The following BCAR1 variants were observed in gnomAD, a reference collection of about 807,000 sequenced individuals.
The protein encoded by BCAR1 is breast cancer anti-estrogen resistance protein 1.
BCAR1 carries 30 observed loss-of-function variants against 67.6 expected under a neutral mutation model. The ratio of observed to expected loss-of-function variants is 0.44; its 90% CI spans 0.33 to 0.60. The LOEUF is 0.60. Among genes scored for constraint, BCAR1 ranks in the 20% least tolerant of loss-of-function variants. The pLI is 0.02. For synonymous variants in BCAR1, 626 were observed against 556.7 expected, an observed-to-expected ratio of 1.12 and a Z score of -1.75; for missense variants, 1,313 against 1,222.3, an observed-to-expected ratio of 1.07 and a Z score of -1.11.
intron 6 of BCAR1, among the ~76,000 whole-genome samples, chr16:75,232,688 C>A (rs1454225658): frequency 1.3e-5 from 2 of 152,168 alleles, no homozygotes; most frequent in Non-Finnish European, 2.9e-5. Flanking sequence ...AGCCCCCACC[C>A]CCTGCCACCC....
chr16:75,235,969 T>TG lies in BCAR1; in HGVS notation c.929dup (p.Ser311IlefsTer14). 1 of 1,574,344 alleles carries TG rather than the reference T, an allele frequency of 6.4e-7. No homozygotes were observed. Among genetic ancestry groups the TG allele is most frequent in the African/African-American group, 1.3e-5 (1 of 74,414 alleles). ...CATCGGGCACATCCTTGCTCACCGA[T>TG]GGAGGAACGTCGTAGACCTGGGGGA... On this transcript the variant is annotated frameshift_variant, in exon 5 of 7. Transcript: ENST00000162330. LOFTEE classifies it high-confidence loss of function.
intron 1 of BCAR1, among the ~76,000 whole-genome samples, chr16:75,245,039 G>T (rs952799646): frequency 6.6e-6 from 1 of 152,242 alleles, no homozygotes; most frequent in Admixed American, 6.5e-5. Context: ...CTATGTCCCA[G>T]GCTCTGAGGC....
intron 2 of BCAR1, among the ~76,000 whole-genome samples, chr16:75,239,617 T>C (rs1045812046): frequency 6.6e-6 from 1 of 152,158 alleles, no homozygotes; most frequent in African/African-American, 2.4e-5. Context: ...CTCCCGGCTC[T>C]GGCACCCCCA....
At position 75,235,249 on chromosome 16, in the gene BCAR1, G is replaced by A. The variant is rs201978090; in HGVS notation, c.1650C>T (p.Asp550=). 156 of 1,606,744 alleles carry A rather than the reference G, an allele frequency of 9.7e-5. No individual in the cohort carries two copies. Among genetic ancestry groups the A allele is most frequent in the Middle Eastern group, 1.7e-4 (1 of 6,050 alleles). The change falls in exon 5 of 7, where the codon GAC becomes GAT. Residue 550 remains aspartate, a synonymous_variant. Coordinates refer to ENST00000162330, the MANE Select transcript of BCAR1 (RefSeq NM_014567.5). ...KLSRQLQKME[D]VHQTLVAHGQ... ...CATGTGCCACCAGCGTCTGGTGCAC[G>A]TCCTCCATCTTCTGCAGCTGCCGGC...
At chr16:75,239,462 C>T (rs1183995768) in intron 2 of BCAR1, among the ~76,000 whole-genome samples, 1 of 152,208 alleles carries the variant, frequency 6.6e-6, no homozygotes, top group Admixed American at 6.5e-5. Context: ...GACAAGCGAA[C>T]TCAGGAATAC....
At chr16:75,248,047 CGATTACCTCCATCTTACTA>C in intron 1 of BCAR1, 1 of 1,499,430 alleles carries the variant, frequency 6.7e-7, no homozygotes, top group Non-Finnish European at 9.2e-7. Context: ...CCATAAGACA[CGATTACCTCCATCTTACTA>C]GACAGGAAAA....
rs755564195 is a variant in BCAR1 at position 75,242,717 on chromosome 16, T to C, written c.386A>G (p.Gln129Arg). Residue 129 changes from glutamine to arginine, a missense_variant, in exon 2 of 7, where the codon CAA becomes CGA. By Grantham distance (43) the Gln-to-Arg change is conservative (BLOSUM62 1). Coordinates refer to ENST00000162330, the MANE Select transcript of BCAR1 (RefSeq NM_014567.5). Reference protein sequence around the residue: ...TPSKAQQGLYQVPGPSPQFQS... With the variant: ...TPSKAQQGLYRVPGPSPQFQS... ...GAACTGAGGGCTGGGACCCGGGACT[T>C]GGTAGAGGCCTTGCTGAGCCTTGCT... is the stretch of plus-strand genomic sequence containing the variant. 39 of 1,564,084 alleles carry C rather than the reference T, an allele frequency of 2.5e-5. No homozygotes were observed. Among genetic ancestry groups the C allele is most frequent in the Non-Finnish European group, 3.3e-5 (38 of 1,156,828 alleles).
rs773659192 is a variant in BCAR1 at position 75,234,889 on chromosome 16, C to T, written c.2010G>A (p.Gln670=). 1.3e-6 allele frequency: 2 copies of T among 1,531,044 alleles called. No individual in the cohort carries two copies. Among genetic ancestry groups the T allele is most frequent in the Non-Finnish European group, 8.8e-7 (1 of 1,135,736 alleles). 94.8% of individuals were successfully genotyped at this position (1,531,044 alleles called of 1,614,324 possible). A position where few individuals can be genotyped will look rare whatever the true frequency, so the allele number is the denominator to read the frequency against. The part of the protein sequence containing the change: ...WMEDYDYVHL[Q]GKEEFEKTQK... ...CCGGGGCTGGGCAGGCGGCACCCACCTGTAGGTGGACGTAGTCATAGTCCT... is the reference window on the plus strand; with the variant it reads ...CCGGGGCTGGGCAGGCGGCACCCACTTGTAGGTGGACGTAGTCATAGTCCT... Residue 670 remains glutamine, a splice_region_variant and synonymous_variant, in exon 5 of 7, where the codon CAG becomes CAA. Coordinates refer to ENST00000162330, the MANE Select transcript of BCAR1 (RefSeq NM_014567.5).
chr16:75,235,251 C>A lies in BCAR1; in HGVS notation c.1648G>T (p.Asp550Tyr). The change falls in exon 5 of 7, where the codon GAC becomes TAC. Residue 550 changes from aspartate (D) to tyrosine (Y), a missense_variant. Physicochemically the swap from Asp to Tyr is radical, Grantham distance 160 (BLOSUM62 -3). Coordinates refer to ENST00000162330, the MANE Select transcript of BCAR1 (RefSeq NM_014567.5). Reference sequence around the variant, plus strand: ...TGTGCCACCAGCGTCTGGTGCACGTCCTCCATCTTCTGCAGCTGCCGGCTA... The same window carrying A: ...TGTGCCACCAGCGTCTGGTGCACGTACTCCATCTTCTGCAGCTGCCGGCTA... Reference protein sequence around the residue: ...KLSRQLQKMEDVHQTLVAHGQ... With the variant: ...KLSRQLQKMEYVHQTLVAHGQ... The A allele has an allele frequency of 6.2e-7, 1 of 1,606,624 alleles. No individual in the cohort carries two copies. Among genetic ancestry groups the A allele is most frequent in the South Asian group, 1.1e-5 (1 of 90,988 alleles).
chr16:75,256,886 C>A (rs781233611), intron 1 of BCAR1, among the ~76,000 whole-genome samples: 1 of 152,210 alleles, frequency 6.6e-6, no homozygotes, highest in Non-Finnish European at 1.5e-5. Flanking sequence ...CAGACAGGTC[C>A]TCCTGGACCA....
chr16:75,245,211 A>T (rs950081757), intron 1 of BCAR1, among the ~76,000 whole-genome samples: 1 of 152,178 alleles, frequency 6.6e-6, no homozygotes, highest in Admixed American at 6.5e-5. Flanking sequence ...TCTGGGAATC[A>T]CAGCCCATCG....
intron 1 of BCAR1, chr16:75,263,449 C>T (rs1158648631): frequency 3.0e-6 from 3 of 985,194 alleles, no homozygotes; most frequent in South Asian, 9.4e-5. Flanking sequence ...GAGCACTGCA[C>T]TGCTCTATGC....
At chr16:75,248,121 G>A in intron 1 of BCAR1, 7 of 1,597,608 alleles carry the variant, frequency 4.4e-6, no homozygotes, top group Admixed American at 3.3e-5. Flanking sequence ...ACTGAGTCCA[G>A]AAGCAGCAGA....
At chr16:75,259,342 C>T (rs1283714647) in intron 1 of BCAR1, among the ~76,000 whole-genome samples, 1 of 152,238 alleles carries the variant, frequency 6.6e-6, no homozygotes, top group African/African-American at 2.4e-5. Flanking sequence ...CTTAATAACA[C>T]ACAGCACAAG....
At chr16:75,252,354 T>G, upstream of BCAR1, 1 of 1,527,324 alleles carries the variant, frequency 6.5e-7, no homozygotes, top group Admixed American at 2.0e-5. Context: ...TCCTGAGTCC[T>G]GCTCCAACTC....
chr16:75,266,524 G>C lies in BCAR1; in HGVS notation c.66+1391C>G, dbSNP rs576370986. On this transcript the variant is annotated intron_variant, in intron 1 of 6. Transcript: ENST00000393422. ...CAGAGGCTGGAAGACGAGCCTTCGTGGGCCTGAGACTTCCTTTCCCCAGGC... is the reference window on the plus strand; with the variant it reads ...CAGAGGCTGGAAGACGAGCCTTCGTCGGCCTGAGACTTCCTTTCCCCAGGC... The C allele has an allele frequency of 1.0e-5, 4 of 400,904 alleles. No homozygotes were observed. In the East Asian group the frequency reaches 1.5e-4, roughly 15 times the overall value. The allele number at this position is 400,904 out of a possible 1,614,324, so 24.8% of individuals were successfully genotyped here.
At position 75,235,674 on chromosome 16, in the gene BCAR1, C is replaced by T; in HGVS notation, c.1225G>A (p.Val409Met). 2 of 1,611,890 alleles carry T rather than the reference C, an allele frequency of 1.2e-6. No homozygotes were observed. Among genetic ancestry groups the T allele is most frequent in the Non-Finnish European group, 1.7e-6 (2 of 1,179,006 alleles). Residue 409 changes from valine to methionine, a missense_variant, in exon 5 of 7, where the codon GTG becomes ATG. Physicochemically the swap from Val to Met is conservative, Grantham distance 21. Coordinates refer to ENST00000162330, the MANE Select transcript of BCAR1 (RefSeq NM_014567.5). ...VADGGVVDSG[V>M]YAVPPPAERE... ...TCAGCTGGGGGAGGCACCGCATACA[C>T]ACCACTGTCGACCACGCCACCATCA...
intron 1 of BCAR1, among the ~76,000 whole-genome samples, chr16:75,258,749 C>T (rs1042505795): frequency 1.3e-5 from 2 of 152,198 alleles, no homozygotes; most frequent in South Asian, 2.1e-4. Flanking sequence ...CCAGTGTGGC[C>T]GCAGGAGCAC....
intron 1 of BCAR1, among the ~76,000 whole-genome samples, chr16:75,262,095 A>G (rs80140391): frequency 0.056 from 8,534 of 152,192 alleles, 764 homozygotes; most frequent in African/African-American, 0.19. Context: ...TTCACTCTAG[A>G]GCCCTTGACC....
Sources: allele counts gnomAD v4.1 joint callset (sites outside exome capture counted in the v4.1 genomes callset), GRCh38; gene constraint gnomAD v4.1.1; transcripts MANE v1.5; gene names NCBI Gene and HGNC (gene_info 2026-07-23, HGNC 2026-07-21).